MRPL44: variants seen among roughly 807,000 people sequenced by gnomAD.
MRPL44 encodes large ribosomal subunit protein mL44.
MRPL44 carries 21 observed loss-of-function variants against 25.9 expected under a neutral mutation model. The ratio of observed to expected loss-of-function variants is 0.81; its 90% CI spans 0.58 to 1.17. The LOEUF is 1.17. Ranked by LOEUF, MRPL44 falls within the 50% of genes most tolerant of loss-of-function variation. MRPL44 has a pLI of 0.00. For synonymous variants in MRPL44, 169 were observed against 151.0 expected (o/e 1.12, Z -0.87); for missense variants, 410 against 398.9 (o/e 1.03, Z -0.24).
At chr2:223,963,626 TAA>T (rs1689698020) in intron 2 of MRPL44, 128 bp from the exon 3 acceptor site, 4 of 529,352 alleles carry the variant, frequency 7.6e-6, no homozygotes, top group South Asian at 5.4e-5. Flanking sequence ...CGTTTCCCAT[TAA>T]GTTTTAAATT....
chr2:223,957,316 G>C (rs1052911043), upstream of MRPL44: 1 of 870,520 alleles, frequency 1.1e-6, no homozygotes, highest in African/African-American at 1.7e-5. Context: ...CCCCGGGGCT[G>C]TCTCCGCCCC....
chr2:223,960,060 T>A, intron 2 of MRPL44, 58 bp downstream of exon 2: 1 of 1,365,584 alleles, frequency 7.3e-7, no homozygotes, highest in Non-Finnish European at 1.0e-6. Flanking sequence ...TATTCTTTTG[T>A]AATTCACTTC....
upstream of MRPL44, among the ~76,000 whole-genome samples, chr2:223,954,586 T>C (rs1689537100): frequency 6.6e-6 from 1 of 152,220 alleles, no homozygotes; most frequent in Non-Finnish European, 1.5e-5. Context: ...CACATGGCTG[T>C]TAGCGGGAGG....
intron 1 of MRPL44, 75 bp from the exon 2 acceptor site, chr2:223,959,459 A>G (rs895738352): frequency 8.9e-7 from 1 of 1,118,478 alleles, no homozygotes; most frequent in Non-Finnish European, 1.3e-6. Flanking sequence ...ATAACATTAC[A>G]ACACAGTGAA....
chr2:223,954,719 T>G (rs1292782856), upstream of MRPL44, among the ~76,000 whole-genome samples: 1 of 152,236 alleles, frequency 6.6e-6, no homozygotes, highest in Non-Finnish European at 1.5e-5. Context: ...AAATGGAAGC[T>G]ATGATGTATT....
At chr2:223,957,384 G>C, upstream of MRPL44, 59 of 1,544,794 alleles carry the variant, frequency 3.8e-5, no homozygotes, top group Non-Finnish European at 5.1e-5. Flanking sequence ...TTCTCTTCGC[G>C]TTCCGCGTTC....
chr2:223,963,994 C>G, intron 3 of MRPL44, 60 bp downstream of exon 3: 2 of 1,389,756 alleles, frequency 1.4e-6, no homozygotes, highest in Non-Finnish European at 2.0e-6. Context: ...ACAGACTCCT[C>G]ACAAAGCCTT....
At chr2:223,965,368 A>G (rs1185466799) in intron 3 of MRPL44, among the ~76,000 whole-genome samples, 3 of 152,136 alleles carry the variant, frequency 2.0e-5, no homozygotes, top group Admixed American at 6.6e-5. Context: ...GTGTAGCTTC[A>G]CTAGTTTTTC....
At chr2:223,959,507 C>A (rs1397677584) in intron 1 of MRPL44, 27 bp from the exon 2 acceptor site, 2 of 1,526,004 alleles carry the variant, frequency 1.3e-6, no homozygotes, top group South Asian at 2.4e-5. Flanking sequence ...TTCTCTTTAC[C>A]ATCTCTTACT....
intron 1 of MRPL44, among the ~76,000 whole-genome samples, chr2:223,958,836 C>T (rs1448341093): frequency 6.6e-6 from 1 of 152,180 alleles, no homozygotes; most frequent in Non-Finnish European, 1.5e-5. Context: ...TTATACTATT[C>T]TGTAGTTTAT....
upstream of MRPL44, among the ~76,000 whole-genome samples, chr2:223,956,253 G>A (rs1406126139): frequency 6.6e-6 from 1 of 152,090 alleles, no homozygotes; most frequent in African/African-American, 2.4e-5. Context: ...GTTTTTTGGT[G>A]TGTGCTCAGC....
intron 1 of MRPL44, among the ~76,000 whole-genome samples, chr2:223,958,064 A>G (rs1005297090): frequency 6.6e-6 from 1 of 152,210 alleles, no homozygotes; most frequent in Non-Finnish European, 1.5e-5. Context: ...TGTCTAGAGT[A>G]AAAGGAAAAA....
At chr2:223,957,079 G>A (rs1433505571), upstream of MRPL44, among the ~76,000 whole-genome samples, 1 of 152,172 alleles carries the variant, frequency 6.6e-6, no homozygotes. Context: ...AATTAAAAAT[G>A]TTTTCTTTTT....
In MRPL44 at chr2:223,959,609, A is replaced by G; in HGVS notation, c.255A>G (p.Leu85=). The G allele has an allele frequency of 6.2e-7, 1 of 1,614,226 alleles. No individual in the cohort carries two copies. The highest frequency in any genetic ancestry group is 1.7e-5 in the Admixed American group (1 of 60,034). Residue 85 remains leucine, a synonymous_variant, in exon 2 of 4, where the codon TTA becomes TTG. Transcript: ENST00000258383. ...FGHRLQENFS[L]DLLKTAFVNS... ...ATCGGTTACAGGAAAACTTTTCCTTAGATCTTCTCAAAACTGCATTTGTTA... is the reference window on the plus strand; with the variant it reads ...ATCGGTTACAGGAAAACTTTTCCTTGGATCTTCTCAAAACTGCATTTGTTA...
At position 223,957,632 on chromosome 2, in the gene MRPL44, C is replaced by G. The variant is rs1689592600; in HGVS notation, c.160C>G (p.Pro54Ala). 6.2e-7 allele frequency: 1 copy of G among 1,608,204 alleles called. No individual in the cohort carries two copies. The highest frequency in any genetic ancestry group is 1.3e-5 in the African/African-American group (1 of 74,922). ...ELERQRLLRC[P>A]PPPVRRSEKP... is the part of the protein sequence containing the mutation. ...AGAGCGGCAGCGCCTTCTGCGGTGCCCGCCGCCGCCCGTGCGCCGGTAGGA... is the reference window on the plus strand; with the variant it reads ...AGAGCGGCAGCGCCTTCTGCGGTGCGCGCCGCCGCCCGTGCGCCGGTAGGA... The change falls in exon 1 of 4, where the codon CCG becomes GCG. Residue 54 changes from proline (P) to alanine (A), a missense_variant. Coordinates refer to ENST00000258383, the MANE Select transcript of MRPL44 (RefSeq NM_022915.5).
chr2:223,951,733 C>T, the MRPL44 span, among the ~76,000 whole-genome samples: 1 of 152,120 alleles, frequency 6.6e-6, no homozygotes, highest in Admixed American at 6.6e-5. Context: ...CCCACCTCAG[C>T]TTCCCAAAGT....
rs1338918278 is a variant in MRPL44, at chr2:223,967,555, T to A, written c.*521T>A. The A allele has an allele frequency of 6.6e-6, 1 of 152,154 alleles. No homozygotes were observed. Among genetic ancestry groups the A allele is most frequent in the African/African-American group, 2.4e-5 (1 of 41,424 alleles). 9.4% of individuals were successfully genotyped at this position (152,154 alleles called of 1,614,324 possible). ...ACCAGATCAAATCTTTTTTTGACAT[T>A]TTTGCAAAAAAATTTTCCTAATGTT... On this transcript the variant is annotated 3_prime_UTR_variant, in exon 4 of 4. Transcript: ENST00000258383.
At position 223,959,969 on chromosome 2, in the gene MRPL44, C is replaced by T. The variant is rs1203438199; in HGVS notation, c.615C>T (p.Ser205=). ...FFAVIGALLQ[S]SGPERTALFI... Reference sequence around the variant, plus strand: ...CAGTTATTGGAGCCCTGTTACAGAGCAGTGGACCTGAGAGGACTGCACTTT... The same window carrying T: ...CAGTTATTGGAGCCCTGTTACAGAGTAGTGGACCTGAGAGGACTGCACTTT... Residue 205 remains serine (S), a synonymous_variant, in exon 2 of 4, where the codon AGC becomes AGT. Coordinates refer to ENST00000258383, the MANE Select transcript of MRPL44 (RefSeq NM_022915.5). 1.2e-6 allele frequency: 2 copies of T among 1,613,900 alleles called. No individual in the cohort carries two copies. The highest frequency in any genetic ancestry group is 1.7e-6 in the Non-Finnish European group (2 of 1,179,940).
At chr2:223,963,532 A>T (rs998471245) in intron 2 of MRPL44, among the ~76,000 whole-genome samples, 2 of 152,106 alleles carry the variant, frequency 1.3e-5, no homozygotes, top group Non-Finnish European at 2.9e-5. Context: ...GGGCTTGCAA[A>T]TTTTTTTAAT....
Sources: gnomAD v4.1 joint callset for allele counts (sites outside exome capture counted in the v4.1 genomes callset) on GRCh38, gnomAD v4.1.1 for gene constraint, MANE v1.5 for transcripts, NCBI Gene and HGNC (gene_info 2026-07-23, HGNC 2026-07-21) for gene names.